The following PRKCZ variants were observed in gnomAD, a reference collection of about 807,000 sequenced individuals.
PRKCZ encodes the protein protein kinase C zeta type.
In PRKCZ, 33 loss-of-function variants were observed where a neutral mutation model predicts 79.5. That is an observed-to-expected ratio of 0.41 (90% CI 0.31 to 0.55). PRKCZ has a LOEUF of 0.55. Among genes scored for constraint, PRKCZ ranks in the 20% least tolerant of loss-of-function variants. The probability of loss-of-function intolerance (pLI) is 0.19; values close to 1 mark genes in which losing one functional copy is unlikely to be tolerated. For missense variants in PRKCZ, 578 were observed against 813.5 expected (o/e 0.71, Z 3.52); for synonymous variants, 342 against 320.9 (o/e 1.07, Z -0.70).
chr1:2,159,291 C>G (rs1173694108), intron 10 of PRKCZ, among the ~76,000 whole-genome samples: 1 of 152,244 alleles, frequency 6.6e-6, no homozygotes, highest in Non-Finnish European at 1.5e-5. Flanking sequence ...CTGGCCTGGC[C>G]CAGGTGGGTG....
intron 4 of PRKCZ, chr1:2,073,765 C>G: frequency 9.9e-7 from 1 of 1,009,082 alleles, no homozygotes; most frequent in Non-Finnish European, 1.2e-6. Flanking sequence ...GCCGGCCTTC[C>G]GTTAAATATC....
At chr1:2,101,101 C>T (rs191419565) in intron 4 of PRKCZ, among the ~76,000 whole-genome samples, 29 of 151,646 alleles carry the variant, frequency 1.9e-4, no homozygotes, top group African/African-American at 6.8e-4. Context: ...GGGACTGGCC[C>T]TGTCCCCCAT....
At chr1:2,053,420 T>G (rs1659877557) in intron 1 of PRKCZ, among the ~76,000 whole-genome samples, 1 of 152,154 alleles carries the variant, frequency 6.6e-6, no homozygotes, top group South Asian at 2.1e-4. Flanking sequence ...ACGTTTGTGT[T>G]CAGGGAGCTT....
rs554378335 is a variant in PRKCZ, at chr1:2,064,335, A to G, written c.334+4744A>G. Reference sequence around the variant, plus strand: ...TGTGGGTTGTTTTTTTACTTTGTTGATAGTGCCTTTTGATGGACAAAGTTT... The same window carrying G: ...TGTGGGTTGTTTTTTTACTTTGTTGGTAGTGCCTTTTGATGGACAAAGTTT... On this transcript the variant is annotated intron_variant, in intron 4 of 17. Coordinates refer to ENST00000378567, the MANE Select transcript of PRKCZ (RefSeq NM_002744.6). Among the ~76,000 whole-genome samples, 27 of 152,148 alleles carry G rather than the reference A, an allele frequency of 1.8e-4. No homozygotes were observed. In the South Asian group the frequency reaches 5.4e-3, roughly 30 times the overall value.
In PRKCZ at chr1:2,168,922, G is replaced by T; in HGVS notation, c.975-596G>T. 3.3e-6 allele frequency: 1 copy of T among 303,714 alleles called. No individual in the cohort carries two copies. Among genetic ancestry groups the T allele is most frequent in the South Asian group, 2.8e-5 (1 of 36,318 alleles). The allele number at this position is 303,714 out of a possible 1,614,324, so 18.8% of individuals were successfully genotyped here. A position where few individuals can be genotyped will look rare whatever the true frequency, so the allele number is the denominator to read the frequency against. On this transcript the variant is annotated intron_variant, in intron 10 of 17. Transcript: ENST00000378567. This position sits in a 1 kb window ranked among gnomAD's most constrained non-coding sequence, Gnocchi z 4.7. ...AGAGAAACCATGTGGCCCAGTCCCT[G>T]AGACGGGAAGGGCCTGCGTGGTCCT...
intron 16 of PRKCZ, among the ~76,000 whole-genome samples, chr1:2,183,076 A>G (rs1018630116): frequency 2.0e-5 from 3 of 152,046 alleles, no homozygotes; most frequent in Non-Finnish European, 4.4e-5. Context: ...AAATACAAAA[A>G]CAAAATTAGC....
rs369807526 is a variant in PRKCZ at position 2,106,701 on chromosome 1, G to A, written c.335-28561G>A. ...CAGGTAACTCTCAGCAAGCCCCTCCGGTGGGCGAGGACCTCCATGCGTGTC... is the reference window on the plus strand; with the variant it reads ...CAGGTAACTCTCAGCAAGCCCCTCCAGTGGGCGAGGACCTCCATGCGTGTC... On this transcript the variant is annotated intron_variant, in intron 4 of 17. Coordinates refer to ENST00000378567, the MANE Select transcript of PRKCZ (RefSeq NM_002744.6). Among the ~76,000 whole-genome samples, 154 of 94,684 alleles carry A rather than the reference G, an allele frequency of 1.6e-3. 9 individuals carry two copies. Among genetic ancestry groups the A allele is most frequent in the African/African-American group, 6.9e-3 (139 of 20,224 alleles). The allele number at this position is 94,684 out of a possible 152,430, so 62.1% of individuals were successfully genotyped here. A position where few individuals can be genotyped will look rare whatever the true frequency, so the allele number is the denominator to read the frequency against.
intron 4 of PRKCZ, 182 bp from the exon 5 acceptor site, chr1:2,135,080 G>A: frequency 1.9e-6 from 1 of 540,298 alleles, no homozygotes; most frequent in Non-Finnish European, 3.3e-6. Flanking sequence ...GACACCATGA[G>A]GATCATGTGA....
rs1400581060 is a variant in PRKCZ at position 2,072,036 on chromosome 1, T to C, written c.334+12445T>C. Among the ~76,000 whole-genome samples, 5 of 152,392 alleles carry C rather than the reference T, an allele frequency of 3.3e-5. No individual in the cohort carries two copies. In the Middle Eastern group the frequency reaches 0.014, roughly 415 times the overall value. ...TAAAAGCGTAGAAATCCTAGCTTGC[T>C]GATTTGGAGCACTAGGCAGTGTAGG... On this transcript the variant is annotated intron_variant, in intron 4 of 17. Coordinates refer to ENST00000378567, the MANE Select transcript of PRKCZ (RefSeq NM_002744.6).
intron 4 of PRKCZ, among the ~76,000 whole-genome samples, chr1:2,086,993 G>C (rs1236609428): frequency 1.3e-5 from 2 of 152,194 alleles, no homozygotes; most frequent in African/African-American, 4.8e-5. Flanking sequence ...TTATTCATTT[G>C]TTGTCTTTCG....
At chr1:2,109,040 C>A (rs1456241157) in intron 4 of PRKCZ, among the ~76,000 whole-genome samples, 1 of 152,334 alleles carries the variant, frequency 6.6e-6, no homozygotes, top group East Asian at 1.9e-4. Flanking sequence ...CAGCCGCCCC[C>A]CCATCCCTCT....
rs994165505 is a variant in PRKCZ at position 2,151,532 on chromosome 1, C to T, written c.876+554C>T. Among the ~76,000 whole-genome samples, 9 of 152,350 alleles carry T rather than the reference C, an allele frequency of 5.9e-5. No individual in the cohort carries two copies. The South Asian group carries it at 1.7e-3, about 28-fold the overall frequency. On this transcript the variant is annotated intron_variant, in intron 9 of 17. Transcript: ENST00000378567. ...ACAGGAAGCTGCCCAGAGGCACTGC[C>T]CTGCTCCGTCCTGCACAAGGCCCCA...
rs1313844032 is a variant in PRKCZ, at chr1:2,128,835, C to A, written c.335-6427C>A. ...TGCTAACCTGGGCTTGACTTTGAGA[C>A]CCTGTTCCACAGAGGTAGCCGGGGG... On this transcript the variant is annotated intron_variant, in intron 4 of 17. Coordinates refer to ENST00000378567, the MANE Select transcript of PRKCZ (RefSeq NM_002744.6). The surrounding 1 kb of genome is among the most constrained non-coding windows in gnomAD (Gnocchi z 6.5). Among the ~76,000 whole-genome samples the A allele has an allele frequency of 6.6e-6, 1 of 152,188 alleles. No individual in the cohort carries two copies. The highest frequency in any genetic ancestry group is 2.4e-5 in the African/African-American group (1 of 41,444).
At chr1:2,058,952 G>A (rs1398845410) in intron 3 of PRKCZ, among the ~76,000 whole-genome samples, 1 of 152,048 alleles carries the variant, frequency 6.6e-6, no homozygotes, top group Non-Finnish European at 1.5e-5. Context: ...ATACTTTTAT[G>A]TGTATACACA....
chr1:2,149,017 A>G lies in PRKCZ; in HGVS notation c.687+93A>G. On this transcript the variant is annotated intron_variant, in intron 8 of 17. Transcript: ENST00000378567. The surrounding 1 kb of genome is among the most constrained non-coding windows in gnomAD (Gnocchi z 4.1). ...GGTAGTCACGGAAATCTAGATGTGA[A>G]ATAGACATGGTCCGGGGTGTTGCTA... 3 of 1,379,276 alleles carry G rather than the reference A, an allele frequency of 2.2e-6. No individual in the cohort carries two copies. Among genetic ancestry groups the G allele is most frequent in the Non-Finnish European group, 3.1e-6 (3 of 972,758 alleles). The allele number at this position is 1,379,276 out of a possible 1,614,324, so 85.4% of individuals were successfully genotyped here.
rs80320542 is a variant in PRKCZ, at chr1:2,173,469, G to A, written c.1286-428G>A. ...ATTCGCTGGAACACATTCCCAACAG[G>A]TTGACTACTTGAACCTTTTTAAAAA... On this transcript the variant is annotated intron_variant, in intron 13 of 17. Coordinates refer to ENST00000378567, the MANE Select transcript of PRKCZ (RefSeq NM_002744.6). This position sits in a 1 kb window ranked among gnomAD's most constrained non-coding sequence, Gnocchi z 5.7. 6.7e-3 allele frequency among the ~76,000 whole-genome samples: 1,015 copies of A among 152,302 alleles called. 7 individuals are homozygous for A. The highest frequency in any genetic ancestry group is 8.6e-3 in the Non-Finnish European group (584 of 68,026).
At chr1:2,113,670 A>G (rs1272677043) in intron 4 of PRKCZ, among the ~76,000 whole-genome samples, 6 of 152,114 alleles carry the variant, frequency 3.9e-5, no homozygotes, top group Non-Finnish European at 8.8e-5. Flanking sequence ...TGATGCACGA[A>G]GTAGTGGTAT....
chr1:2,099,987 C>G (rs1199666748), intron 4 of PRKCZ, among the ~76,000 whole-genome samples: 1 of 152,142 alleles, frequency 6.6e-6, no homozygotes, highest in Non-Finnish European at 1.5e-5. Context: ...ACCTGAGGTC[C>G]CTGCTTTGAA....
Position 2,079,949 on chromosome 1 carries a change from C to T in PRKCZ, c.334+20358C>T, listed in dbSNP as rs115575170. ...TGCTGCCCCCGCAAGCCCTCTCGTT[C>T]CCTGGCTGCTTTGGGTGAGGAAGGG... On this transcript the variant is annotated intron_variant, in intron 4 of 17. Coordinates refer to ENST00000378567, the MANE Select transcript of PRKCZ (RefSeq NM_002744.6). 5.4e-3 allele frequency among the ~76,000 whole-genome samples: 816 copies of T among 152,324 alleles called. 10 individuals are homozygous for T. Among genetic ancestry groups the T allele is most frequent in the African/African-American group, 0.019 (778 of 41,566 alleles).
Sources: allele counts gnomAD v4.1 joint callset (sites outside exome capture counted in the v4.1 genomes callset), GRCh38; gene constraint gnomAD v4.1.1; non-coding constraint Gnocchi (gnomAD v3.1); transcripts MANE v1.5; gene names NCBI Gene and HGNC (gene_info 2026-07-23, HGNC 2026-07-21).